The following CDH13 variants were observed in gnomAD, a reference collection of about 807,000 sequenced individuals.
CDH13 encodes the protein cadherin-13.
CDH13 carries 24 observed loss-of-function variants against 63.8 expected under a neutral mutation model. That is an observed-to-expected ratio of 0.38 (90% CI 0.27 to 0.53). CDH13 has a LOEUF of 0.53. Among genes scored for constraint, CDH13 ranks in the 20% least tolerant of loss-of-function variants. The probability of loss-of-function intolerance (pLI) is 0.85; values close to 1 mark genes in which losing one functional copy is unlikely to be tolerated. For missense variants in CDH13, 1,049 were observed against 903.1 expected (o/e 1.16, Z -2.07); for synonymous variants, 503 against 355.3 (o/e 1.42, Z -4.67).
chr16:83,328,954 G>A (rs1375609550), intron 5 of CDH13, among the ~76,000 whole-genome samples: 1 of 152,190 alleles, frequency 6.6e-6, no homozygotes, highest in East Asian at 1.9e-4. Context: ...CTTGTTCACA[G>A]TAAGCAAGTT....
intron 2 of CDH13, among the ~76,000 whole-genome samples, chr16:82,867,896 C>G (rs987981488): frequency 6.6e-6 from 1 of 152,178 alleles, no homozygotes; most frequent in Non-Finnish European, 1.5e-5. Context: ...AGGCTTTTAT[C>G]TGTCTACATT....
intron 3 of CDH13, among the ~76,000 whole-genome samples, chr16:83,056,217 A>T (rs1348835263): frequency 2.6e-5 from 4 of 152,216 alleles, no homozygotes; most frequent in African/African-American, 7.2e-5. Context: ...AAGTATAATA[A>T]CAATAGCAAG....
At chr16:83,095,121 C>A (rs772899126) in intron 3 of CDH13, among the ~76,000 whole-genome samples, 5 of 152,218 alleles carry the variant, frequency 3.3e-5, no homozygotes, top group Non-Finnish European at 5.9e-5. Flanking sequence ...AATAAAATAA[C>A]CCTGATTTGT....
At chr16:83,366,222 C>T (rs1008420350) in intron 6 of CDH13, among the ~76,000 whole-genome samples, 2 of 152,086 alleles carry the variant, frequency 1.3e-5, no homozygotes, top group African/African-American at 4.8e-5. Context: ...AAATGAATTA[C>T]CAACTTACAA....
intron 3 of CDH13, among the ~76,000 whole-genome samples, chr16:83,112,802 C>T (rs147631006): frequency 1.3e-5 from 2 of 152,274 alleles, no homozygotes; most frequent in East Asian, 1.9e-4. Flanking sequence ...ATTTACCAGA[C>T]CTTCGTGAGC....
At chr16:83,149,194 A>G (rs912931658) in intron 4 of CDH13, among the ~76,000 whole-genome samples, 6 of 152,204 alleles carry the variant, frequency 3.9e-5, no homozygotes, top group African/African-American at 1.4e-4. Context: ...AATTTCCTGT[A>G]GCTTCATAGT....
chr16:83,720,447 C>G (rs1313868226), intron 10 of CDH13, among the ~76,000 whole-genome samples: 2 of 152,074 alleles, frequency 1.3e-5, no homozygotes, highest in Non-Finnish European at 2.9e-5. Context: ...ATGCCAAGCA[C>G]AAGAGATTAG....
intron 5 of CDH13, among the ~76,000 whole-genome samples, chr16:83,331,932 A>C (rs1326291752): frequency 6.6e-6 from 1 of 152,134 alleles, no homozygotes; most frequent in Non-Finnish European, 1.5e-5. Context: ...ACACACATAC[A>C]CACACAACCA....
At chr16:82,996,783 A>T (rs928097292) in intron 2 of CDH13, among the ~76,000 whole-genome samples, 4 of 151,942 alleles carry the variant, frequency 2.6e-5, no homozygotes, top group Admixed American at 2.6e-4. Context: ...GACGATGGTG[A>T]TGGTGGGGGT....
At chr16:83,425,662 C>G (rs1489692903) in intron 6 of CDH13, among the ~76,000 whole-genome samples, 1 of 152,248 alleles carries the variant, frequency 6.6e-6, no homozygotes, top group African/African-American at 2.4e-5. Context: ...TCTCCTAGAA[C>G]ACACATTTCC....
intron 2 of CDH13, among the ~76,000 whole-genome samples, chr16:82,865,607 C>A (rs998978567): frequency 6.6e-6 from 1 of 152,236 alleles, no homozygotes; most frequent in Non-Finnish European, 1.5e-5. Context: ...GGCCCTGGGT[C>A]TGGCCCATGA....
chr16:82,916,276 A>G (rs1287582695), intron 2 of CDH13, among the ~76,000 whole-genome samples: 1 of 152,160 alleles, frequency 6.6e-6, no homozygotes, highest in Non-Finnish European at 1.5e-5. Flanking sequence ...AAAATGATTC[A>G]AATAAAAGGA....
At chr16:82,765,730 C>A (rs764480918) in intron 1 of CDH13, among the ~76,000 whole-genome samples, 1 of 152,148 alleles carries the variant, frequency 6.6e-6, no homozygotes, top group Non-Finnish European at 1.5e-5. Context: ...GAGTATTTCA[C>A]AGTCTAACTC....
intron 2 of CDH13, among the ~76,000 whole-genome samples, chr16:82,878,679 G>C (rs2040588102): frequency 6.6e-6 from 1 of 151,066 alleles, no homozygotes; most frequent in Admixed American, 6.6e-5. Flanking sequence ...TGGTCCAATG[G>C]CGGGGGTTGG....
At chr16:83,432,639 T>C (rs914276246) in intron 6 of CDH13, among the ~76,000 whole-genome samples, 2 of 152,114 alleles carry the variant, frequency 1.3e-5, no homozygotes, top group African/African-American at 4.8e-5. Context: ...GTCACTTCAC[T>C]CTGGGTGGAG....
chr16:82,802,098 T>C (rs1229043483), intron 1 of CDH13, among the ~76,000 whole-genome samples: 1 of 126,846 alleles, frequency 7.9e-6, no homozygotes, highest in Non-Finnish European at 1.6e-5. Flanking sequence ...CACTGGGTTA[T>C]TTATCTATCA....
intron 7 of CDH13, among the ~76,000 whole-genome samples, chr16:83,538,945 G>A (rs904968842): frequency 2.6e-5 from 4 of 152,058 alleles, no homozygotes; most frequent in African/African-American, 7.2e-5. Context: ...CAACTACCAG[G>A]GCACACACTT....
chr16:82,865,379 T>G (rs1391660922), intron 2 of CDH13, among the ~76,000 whole-genome samples: 3 of 152,218 alleles, frequency 2.0e-5, no homozygotes, highest in African/African-American at 7.2e-5. Flanking sequence ...AACTTTTGCG[T>G]GGACATCCAG....
At chr16:83,410,543 C>A (rs1186158408) in intron 6 of CDH13, among the ~76,000 whole-genome samples, 1 of 152,056 alleles carries the variant, frequency 6.6e-6, no homozygotes, top group Non-Finnish European at 1.5e-5. Flanking sequence ...ATATTGAAGG[C>A]AATACCCACC....
Sources: allele counts gnomAD v4.1 joint callset (sites outside exome capture counted in the v4.1 genomes callset), GRCh38; gene constraint gnomAD v4.1.1; transcripts MANE v1.5; gene names NCBI Gene and HGNC (gene_info 2026-07-23, HGNC 2026-07-21).